The following TAB3 variants were observed in gnomAD, a reference collection of about 807,000 sequenced individuals.
TAB3 encodes the protein TGF-beta activated kinase 1 (MAP3K7) binding protein 3, also known as TGF-beta-activated kinase 1 and MAP3K7-binding protein 3.
In TAB3, 18 loss-of-function variants were observed where a neutral mutation model predicts 48.1. The ratio of observed to expected loss-of-function variants is 0.37; its 90% CI spans 0.26 to 0.55. The LOEUF (loss-of-function observed/expected upper bound fraction) is 0.55. Among genes scored for constraint, TAB3 ranks in the 20% least tolerant of loss-of-function variants. The pLI, the probability that TAB3 is intolerant of heterozygous loss-of-function variation, is 0.78. For missense variants in TAB3, 414 were observed against 549.8 expected (o/e 0.75, Z 2.47); for synonymous variants, 185 against 190.2 (o/e 0.97, Z 0.22).
chrX:30,849,539 A>C (rs1938761668), intron 7 of TAB3, among the ~76,000 whole-genome samples: 1 of 112,828 alleles, frequency 8.9e-6, no homozygotes, highest in African/African-American at 3.2e-5. Context: ...GGACAATGAT[A>C]AGGCTAGCCA....
Position 30,842,395 on chromosome X carries a change from G to A in TAB3, c.1888+571C>T, listed in dbSNP as rs747627895. ...ACCTTTAAAATCCTCATTATTTTAT[G>A]AGAATTATCTTTTAGGGTTATAGTT... is the stretch of plus-strand genomic sequence containing the variant. On this transcript the variant is annotated intron_variant, in intron 9 of 10. Coordinates refer to ENST00000288422, the MANE Select transcript of TAB3 (RefSeq NM_152787.5). Among the ~76,000 whole-genome samples, 7 of 111,650 alleles carry A rather than the reference G, an allele frequency of 6.3e-5. No individual in the cohort carries two copies. In the South Asian group the frequency reaches 2.6e-3, roughly 42 times the overall value.
rs1430305135 is a variant in TAB3 at position 30,831,438 on chromosome X, G to A, written c.2128C>T (p.Arg710Trp). The A allele has an allele frequency of 2.5e-6, 3 of 1,208,855 alleles. No individual in the cohort carries two copies. Among genetic ancestry groups the A allele is most frequent in the Non-Finnish European group, 1.1e-6 (1 of 894,226 alleles). ...AGACTTTTCTGAATTCAGGTGTACC[G>A]TGGCATCTCGCACTGCTCACAGCGA... ...LNRCEQCEMP[R>W]YT The change falls in exon 11 of 11, where the codon CGG becomes TGG. Residue 710 changes from arginine to tryptophan, a missense_variant. By Grantham distance (101) the Arg-to-Trp change is moderately radical (BLOSUM62 -3). Coordinates refer to ENST00000288422, the MANE Select transcript of TAB3 (RefSeq NM_152787.5).
rs935901549 is a variant in TAB3, at chrX:30,828,231, C to T, written c.*3196G>A. The stretch of plus-strand genomic sequence containing the variant: ...AAGACTATATAAAATTGAATTGCCA[C>T]AGAAGGTTGGATATGAACCCTAGAC... On this transcript the variant is annotated 3_prime_UTR_variant, in exon 11 of 11. Coordinates refer to ENST00000288422, the MANE Select transcript of TAB3 (RefSeq NM_152787.5). 8.8e-6 allele frequency: 1 copy of T among 113,598 alleles called. No homozygotes were observed. Among genetic ancestry groups the T allele is most frequent in the Admixed American group, 9.5e-5 (1 of 10,497 alleles). The allele number at this position is 113,598 out of a possible 1,213,427, so 9.4% of individuals were successfully genotyped here.
intron 1 of TAB3, among the ~76,000 whole-genome samples, chrX:30,886,213 A>C (rs988976195): frequency 5.3e-5 from 6 of 112,160 alleles, no homozygotes; most frequent in African/African-American, 2.0e-4. Context: ...AGGTATGAAA[A>C]TAAACTTATA....
At chrX:30,848,967 T>G in intron 7 of TAB3, among the ~76,000 whole-genome samples, 1 of 110,937 alleles carries the variant, frequency 9.0e-6, no homozygotes, top group Non-Finnish European at 1.9e-5. Context: ...ATTGGCAGCT[T>G]TCTGCATATT....
chrX:30,875,474 CT>C lies in TAB3; in HGVS notation c.-382-3674del, dbSNP rs770988576. ...AATCTAGGAATCTCAGCAGAACTGCCTTTTTTTTTTTTCCTATTTCACAAGG... is the reference window on the plus strand; with the variant it reads ...AATCTAGGAATCTCAGCAGAACTGCCTTTTTTTTTTTCCTATTTCACAAGG... On this transcript the variant is annotated intron_variant, in intron 1 of 10. Coordinates refer to ENST00000288422, the MANE Select transcript of TAB3 (RefSeq NM_152787.5). 1.2e-3 allele frequency among the ~76,000 whole-genome samples: 125 copies of C among 101,309 alleles called. 1 individual carries two copies. The South Asian group carries it at 0.016, about 13-fold the overall frequency. 88.0% of individuals were successfully genotyped at this position (101,309 alleles called of 115,157 possible). A position where few individuals can be genotyped will look rare whatever the true frequency, so the allele number is the denominator to read the frequency against.
chrX:30,836,042 AT>A (rs1938200295), intron 9 of TAB3: 1 of 112,270 alleles, frequency 8.9e-6, no homozygotes, highest in African/African-American at 3.2e-5. Context: ...CAAATACAAT[AT>A]GAGAATCTGC....
chrX:30,851,678 A>T (rs181720593), intron 7 of TAB3, among the ~76,000 whole-genome samples: 441 of 112,268 alleles, frequency 3.9e-3, no homozygotes, highest in Middle Eastern at 9.4e-3. Flanking sequence ...GAGTGGCTGC[A>T]GACATGCTGA....
chrX:30,866,768 G>C (rs1218153833), intron 4 of TAB3, among the ~76,000 whole-genome samples: 5 of 106,121 alleles, frequency 4.7e-5, no homozygotes, highest in Non-Finnish European at 9.6e-5. Context: ...AATTTACATA[G>C]ATAATTCACC....
chrX:30,837,426 G>T (rs886107364), intron 9 of TAB3, among the ~76,000 whole-genome samples: 2 of 111,495 alleles, frequency 1.8e-5, no homozygotes, highest in African/African-American at 6.5e-5. Context: ...CCTGGCAGCA[G>T]ATCCATCTGA....
chrX:30,848,173 A>G (rs1296785592), intron 7 of TAB3, among the ~76,000 whole-genome samples: 1 of 111,607 alleles, frequency 9.0e-6, no homozygotes, highest in Non-Finnish European at 1.9e-5. Context: ...GAGATGTTTC[A>G]GCCACAGTGG....
intron 1 of TAB3, among the ~76,000 whole-genome samples, chrX:30,880,624 T>C (rs1939971852): frequency 9.0e-6 from 1 of 111,601 alleles, no homozygotes; most frequent in South Asian, 3.7e-4. Context: ...TGGGAGAAGA[T>C]ATTTACAACC....
At chrX:30,846,093 TA>T in intron 8 of TAB3, 1 of 948,715 alleles carries the variant, frequency 1.1e-6, no homozygotes, top group Non-Finnish European at 1.4e-6. Flanking sequence ...TCCAAAAAAC[TA>T]AAACTATGAT....
chrX:30,849,361 C>G (rs73454162), intron 7 of TAB3, among the ~76,000 whole-genome samples: 1,591 of 112,522 alleles, frequency 0.014, 17 homozygotes, highest in African/African-American at 0.049. Flanking sequence ...CTCCCTCCCC[C>G]ACATAGCTGG....
At position 30,854,156 on chromosome X, in the gene TAB3, T is replaced by G. The variant is rs892299288; in HGVS notation, c.1509A>C (p.Arg503Ser). The G allele has an allele frequency of 5.0e-6, 6 of 1,206,308 alleles. No individual in the cohort carries two copies. The Admixed American group carries it at 1.1e-4, about 22-fold the overall frequency. Reference protein sequence around the residue: ...GGEKGSHKYQRSSSSGSDDYA... With the variant: ...GGEKGSHKYQSSSSSGSDDYA... ...AGTCATCTGATCCAGAACTAGAACTTCTCTGATATTTATGGCTTCCCTTTT... is the reference window on the plus strand; with the variant it reads ...AGTCATCTGATCCAGAACTAGAACTGCTCTGATATTTATGGCTTCCCTTTT... Residue 503 changes from arginine to serine, a missense_variant, in exon 6 of 11, where the codon AGA (arginine) becomes AGC (serine). By Grantham distance (110) the Arg-to-Ser change is moderately radical (BLOSUM62 -1). Coordinates refer to ENST00000288422, the MANE Select transcript of TAB3 (RefSeq NM_152787.5).
Position 30,834,156 on chromosome X carries a change from C to T in TAB3, c.1889-4G>A. 2 of 1,203,668 alleles carry T rather than the reference C, an allele frequency of 1.7e-6. No homozygotes were observed. The highest frequency in any genetic ancestry group is 2.2e-6 in the Non-Finnish European group (2 of 889,341). On this transcript the variant is annotated splice_polypyrimidine_tract_variant and splice_region_variant and intron_variant, in intron 9 of 10. Coordinates refer to ENST00000288422, the MANE Select transcript of TAB3 (RefSeq NM_152787.5). ...ATTGTGCAGGGGTCTGAGGAGTCTGCATAAAAATAAACAACGCCAGAAAGA... is the reference window on the plus strand; with the variant it reads ...ATTGTGCAGGGGTCTGAGGAGTCTGTATAAAAATAAACAACGCCAGAAAGA...
intron 1 of TAB3, among the ~76,000 whole-genome samples, chrX:30,874,182 T>TAAC (rs1020665830): frequency 3.7e-4 from 41 of 111,107 alleles, no homozygotes; most frequent in Middle Eastern, 4.7e-3. Context: ...AAAACAACAA[T>TAAC]AACAACAACA....
chrX:30,845,797 C>T lies in TAB3; in HGVS notation c.1804+754G>A, dbSNP rs776178625. The T allele has an allele frequency of 1.3e-4, 29 of 225,178 alleles. No individual in the cohort carries two copies. The South Asian group carries it at 3.3e-3, about 26-fold the overall frequency. The allele number at this position is 225,178 out of a possible 1,213,427, so 18.6% of individuals were successfully genotyped here. On this transcript the variant is annotated intron_variant, in intron 8 of 10. Coordinates refer to ENST00000288422, the MANE Select transcript of TAB3 (RefSeq NM_152787.5). ...TTGCCTTTGGCTTTCATAGAAAGAG[C>T]GGCTTTCTCCTTCATGTCAGTTTAT...
chrX:30,831,227 G>T lies in TAB3; in HGVS notation c.*200C>A. The T allele has an allele frequency of 2.6e-6, 1 of 380,446 alleles. No homozygotes were observed. Among genetic ancestry groups the T allele is most frequent in the Non-Finnish European group, 4.5e-6 (1 of 224,340 alleles). The allele number at this position is 380,446 out of a possible 1,213,427, so 31.4% of individuals were successfully genotyped here. A position where few individuals can be genotyped will look rare whatever the true frequency, so the allele number is the denominator to read the frequency against. ...AGTATCCCTTTCTATCTCTCACTCT[G>T]TAGTGAGTTAAGAAAGGAGAAAAAA... On this transcript the variant is annotated 3_prime_UTR_variant, in exon 11 of 11. Coordinates refer to ENST00000288422, the MANE Select transcript of TAB3 (RefSeq NM_152787.5).
Sources: allele counts gnomAD v4.1 joint callset (sites outside exome capture counted in the v4.1 genomes callset), GRCh38; gene constraint gnomAD v4.1.1; transcripts MANE v1.5; gene names NCBI Gene and HGNC (gene_info 2026-07-23, HGNC 2026-07-21).